PROSER1: variants seen among roughly 807,000 people sequenced by gnomAD.
PROSER1 encodes proline and serine rich 1.
A neutral mutation model predicts 71.8 loss-of-function variants in PROSER1; 36 were observed. The ratio of observed to expected loss-of-function variants is 0.50; its 90% CI spans 0.38 to 0.66. PROSER1 has a LOEUF of 0.66. PROSER1 is among the 30% of genes least tolerant of loss of function. PROSER1 has a pLI of 0.00. For synonymous variants in PROSER1, 490 were observed against 452.4 expected, an observed-to-expected ratio of 1.08 and a Z score of -1.06; for missense variants, 1,107 against 1,135.0, an observed-to-expected ratio of 0.98 and a Z score of 0.35.
rs1869653440 is a variant in PROSER1 at position 39,011,458 on chromosome 13, A to G, written c.2742T>C (p.Tyr914=). The G allele has an allele frequency of 6.2e-7, 1 of 1,614,122 alleles. No individual in the cohort carries two copies. Among genetic ancestry groups the G allele is most frequent in the Non-Finnish European group, 8.5e-7 (1 of 1,179,994 alleles). Residue 914 remains tyrosine (Y), a synonymous_variant, in exon 13 of 13, where the codon TAT becomes TAC. Transcript: ENST00000352251. ...TAGGAAACCCATCAGGCTGAGCTGG[A>G]TAGCTTTCCAGAGCCGAAGCTGAAT... ...QVHSASALES[Y]PAQPDGFPSY... is the part of the protein sequence containing the mutation.
At position 39,013,474 on chromosome 13, in the gene PROSER1, T is replaced by G. The variant is rs1179686151; in HGVS notation, c.1778A>C (p.His593Pro). Residue 593 changes from histidine (H) to proline (P), a missense_variant, in exon 11 of 13, where the codon CAT (histidine) becomes CCT (proline). Transcript: ENST00000352251. ...TGTTGCAGCAGGGGTAGATGAAATATGCAGATCTGAGGTACCTGGGTGGGG... is the reference window on the plus strand; with the variant it reads ...TGTTGCAGCAGGGGTAGATGAAATAGGCAGATCTGAGGTACCTGGGTGGGG... The part of the protein sequence containing the change: ...RGPHPGTSDL[H>P]ISSTPAATTL... The G allele has an allele frequency of 6.2e-7, 1 of 1,613,788 alleles. No individual in the cohort carries two copies. The highest frequency in any genetic ancestry group is 1.3e-5 in the African/African-American group (1 of 74,814).
intron 9 of PROSER1, among the ~76,000 whole-genome samples, chr13:39,021,353 A>G (rs1249241026): frequency 2.0e-5 from 3 of 152,142 alleles, no homozygotes; most frequent in Non-Finnish European, 4.4e-5. Context: ...GTGTCCAAAG[A>G]TTCTTAATAA....
At chr13:39,016,392 A>G (rs1870009465) in intron 10 of PROSER1, among the ~76,000 whole-genome samples, 4 of 152,156 alleles carry the variant, frequency 2.6e-5, no homozygotes, top group African/African-American at 9.7e-5. Flanking sequence ...CAGCTACTAC[A>G]TGGTGGAGCC....
chr13:39,014,497 A>G (rs2138101787), intron 10 of PROSER1, 21 bp from the exon 11 acceptor site: 1 of 1,546,380 alleles, frequency 6.5e-7, no homozygotes, highest in Non-Finnish European at 8.8e-7. Context: ...GGGGGAAAAA[A>G]GGCAAGAATG....
rs1416735623 is a variant in PROSER1 at position 39,014,596 on chromosome 13, A to G, written c.776-120T>C. 1.4e-5 allele frequency: 10 copies of G among 730,268 alleles called. No individual in the cohort carries two copies. In the East Asian group the frequency reaches 2.4e-4, roughly 18 times the overall value. The allele number at this position is 730,268 out of a possible 1,614,324, so 45.2% of individuals were successfully genotyped here. A position where few individuals can be genotyped will look rare whatever the true frequency, so the allele number is the denominator to read the frequency against. On this transcript the variant is annotated intron_variant, in intron 10 of 12. Coordinates refer to ENST00000352251, the MANE Select transcript of PROSER1 (RefSeq NM_025138.5). ...AAATACCAAATAAAAAATGACAAGT[A>G]TAACAGGCTCTTGTAATATCTAAAT...
chr13:39,022,519 T>A, intron 8 of PROSER1, 107 bp from the exon 9 acceptor site: 1 of 719,766 alleles, frequency 1.4e-6, no homozygotes, highest in Non-Finnish European at 2.4e-6. Context: ...ATTCAATTTA[T>A]TATAAAAACT....
intron 2 of PROSER1, among the ~76,000 whole-genome samples, chr13:39,032,843 T>G (rs1870912573): frequency 6.6e-6 from 1 of 152,150 alleles, no homozygotes; most frequent in African/African-American, 2.4e-5. Context: ...GAAGCATCAT[T>G]AAGGGTGGTA....
At chr13:39,014,516 T>C (rs1869916775) in intron 10 of PROSER1, 40 bp from the exon 11 acceptor site, 2 of 1,416,714 alleles carry the variant, frequency 1.4e-6, no homozygotes, top group Admixed American at 2.3e-5. Context: ...TGTATCATCA[T>C]GCTGAAACGT....
rs553474579 is a variant in PROSER1 at position 39,029,134 on chromosome 13, A to C, written c.275+147T>G. ...CATATATGTAATAAGTACACTAGAT[A>C]CTTATTCACATTTGGAAATCAGAAT... is the stretch of plus-strand genomic sequence containing the variant. On this transcript the variant is annotated intron_variant, in intron 4 of 12. Transcript: ENST00000352251. The C allele has an allele frequency of 8.2e-5, 44 of 534,082 alleles. 1 individual carries two copies. The South Asian group carries it at 1.3e-3, about 16-fold the overall frequency. The allele number at this position is 534,082 out of a possible 1,614,324, so 33.1% of individuals were successfully genotyped here.
In PROSER1 at chr13:39,024,502, C is replaced by T; in HGVS notation, c.535G>A (p.Ala179Thr). Residue 179 changes from alanine to threonine, a missense_variant, in exon 7 of 13, where the codon GCT becomes ACT. Physicochemically the swap from Ala to Thr is moderately conservative, Grantham distance 58. Transcript: ENST00000352251. ...TTGGATGGCCCAAGAATTCGTGCAG[C>T]TATTCCTTTGCCTTCGTTAGTACAT... The part of the protein sequence containing the change: ...EECTNEGKGI[A>T]ARILGPSKPP... 1.2e-6 allele frequency: 2 copies of T among 1,610,428 alleles called. No homozygotes were observed. The highest frequency in any genetic ancestry group is 1.7e-6 in the Non-Finnish European group (2 of 1,178,414).
rs1050249371 is a variant in PROSER1 at position 39,014,385 on chromosome 13, G to C, written c.867C>G (p.Val289=). The part of the protein sequence containing the change: ...AATPVPTASP[V]KAINHPSASA... ...ATGCTGATGGATGATTAATTGCCTT[G>C]ACTGGGGATGCAGTAGGAACAGGAG... Residue 289 remains valine (V), a synonymous_variant, in exon 11 of 13, where the codon GTC becomes GTG. Transcript: ENST00000352251. 7.4e-6 allele frequency: 12 copies of C among 1,613,966 alleles called. No homozygotes were observed. The highest frequency in any genetic ancestry group is 7.6e-6 in the Non-Finnish European group (9 of 1,180,012).
intron 6 of PROSER1, 100 bp from the exon 7 acceptor site, chr13:39,024,656 T>C: frequency 1.2e-6 from 1 of 823,918 alleles, no homozygotes; most frequent in Non-Finnish European, 1.9e-6. Flanking sequence ...AGAAAAGGAC[T>C]TGGTAAGAGT....
chr13:39,033,993 C>G (rs537263663), intron 2 of PROSER1, 138 bp downstream of exon 2: 1 of 576,074 alleles, frequency 1.7e-6, no homozygotes, highest in East Asian at 3.2e-5. Context: ...AGTTTTCTGC[C>G]AAAACTGAGA....
chr13:39,035,429 T>G (rs1000763337), intron 1 of PROSER1, among the ~76,000 whole-genome samples: 5 of 152,178 alleles, frequency 3.3e-5, no homozygotes, highest in Non-Finnish European at 5.9e-5. Context: ...CTTGAGCTGA[T>G]AGTTAACCTC....
At chr13:39,028,080 C>T (rs139028707) in intron 5 of PROSER1, 147 bp downstream of exon 5, 169 of 464,170 alleles carry the variant, frequency 3.6e-4, no homozygotes, top group Admixed American at 1.2e-3. Flanking sequence ...ATTTCCACGC[C>T]GCAGACCGCA....
intron 12 of PROSER1, 56 bp downstream of exon 12, chr13:39,012,027 T>G: frequency 6.4e-7 from 1 of 1,556,742 alleles, no homozygotes; most frequent in Non-Finnish European, 8.8e-7. Flanking sequence ...ATGTTATCAC[T>G]ACAGAAGTTA....
At chr13:39,030,148 A>G (rs528588961) in intron 3 of PROSER1, among the ~76,000 whole-genome samples, 2 of 152,320 alleles carry the variant, frequency 1.3e-5, no homozygotes, top group South Asian at 2.1e-4. Context: ...TAATAAAACT[A>G]TAAGCCCCTT....
chr13:39,028,485 A>G (rs1188851595), intron 4 of PROSER1, among the ~76,000 whole-genome samples, 165 bp from the exon 5 acceptor site: 2 of 152,204 alleles, frequency 1.3e-5, no homozygotes, highest in Admixed American at 1.3e-4. Flanking sequence ...ACATGTTTAT[A>G]TATAAATATA....
At chr13:39,024,176 C>T (rs1399221219) in intron 7 of PROSER1, among the ~76,000 whole-genome samples, 1 of 152,168 alleles carries the variant, frequency 6.6e-6, no homozygotes, top group Non-Finnish European at 1.5e-5. Context: ...AAACTACAAA[C>T]TTAGTTAAAA....
Sources: allele counts gnomAD v4.1 joint callset (sites outside exome capture counted in the v4.1 genomes callset), GRCh38; gene constraint gnomAD v4.1.1; transcripts MANE v1.5; gene names NCBI Gene and HGNC (gene_info 2026-07-23, HGNC 2026-07-21).